Variants in LARGE1 observed in about 807,000 individuals in gnomAD.
LARGE1 encodes the protein xylosyl- and glucuronyltransferase LARGE1.
A neutral mutation model predicts 87.6 loss-of-function variants in LARGE1; 43 were observed. That is an observed-to-expected ratio of 0.49 (90% CI 0.38 to 0.63). The LOEUF is 0.63. LARGE1 is among the 30% of genes least tolerant of loss of function. The pLI is 0.00. For synonymous variants in LARGE1, 434 were observed against 394.6 expected (o/e 1.10, Z -1.18); for missense variants, 802 against 1,000.2 (o/e 0.80, Z 2.67).
intron 1 of LARGE1, among the ~76,000 whole-genome samples, chr22:33,896,126 T>C (rs567050862): frequency 1.3e-5 from 2 of 152,234 alleles, no homozygotes; most frequent in African/African-American, 2.4e-5. Context: ...ACCACCATTT[T>C]ACTTTCTGTC....
intron 10 of LARGE1, among the ~76,000 whole-genome samples, chr22:33,327,475 T>C (rs1937341258): frequency 1.3e-5 from 2 of 152,194 alleles, no homozygotes; most frequent in South Asian, 2.1e-4. Context: ...TTTCCTCAAA[T>C]AGCCTGGTGT....
At chr22:33,244,726 C>T (rs1412125142) in intron 11 of LARGE1, among the ~76,000 whole-genome samples, 1 of 152,108 alleles carries the variant, frequency 6.6e-6, no homozygotes, top group Non-Finnish European at 1.5e-5. Flanking sequence ...CGTAAATCAT[C>T]GTGTCTAAAA....
chr22:33,724,582 C>A (rs955922319), intron 2 of LARGE1, among the ~76,000 whole-genome samples: 1 of 152,220 alleles, frequency 6.6e-6, no homozygotes, highest in Non-Finnish European at 1.5e-5. Flanking sequence ...GACCAAACTC[C>A]ACCCAGCCAT....
intron 11 of LARGE1, among the ~76,000 whole-genome samples, chr22:33,208,243 C>G (rs5749577): frequency 6.6e-6 from 1 of 152,168 alleles, no homozygotes; most frequent in African/African-American, 2.4e-5. Flanking sequence ...GAAATGAGAT[C>G]TATGAAAATC....
At chr22:33,220,126 C>T (rs188058696) in intron 11 of LARGE1, among the ~76,000 whole-genome samples, 139 of 152,218 alleles carry the variant, frequency 9.1e-4, no homozygotes, top group East Asian at 2.1e-3. Flanking sequence ...CTGTGAGAAC[C>T]GCTAACCTAT....
intron 11 of LARGE1, among the ~76,000 whole-genome samples, chr22:33,169,170 G>T (rs1165719664): frequency 6.6e-6 from 1 of 152,170 alleles, no homozygotes; most frequent in Non-Finnish European, 1.5e-5. Flanking sequence ...ATATGATAAA[G>T]ATTTTAAAAA....
intron 1 of LARGE1, among the ~76,000 whole-genome samples, chr22:33,777,174 A>C (rs1276755792): frequency 6.6e-6 from 1 of 152,216 alleles, no homozygotes; most frequent in Non-Finnish European, 1.5e-5. Flanking sequence ...GGCTGGAACC[A>C]CACAGTGTGG....
At chr22:33,575,221 G>A (rs2078319416) in intron 5 of LARGE1, among the ~76,000 whole-genome samples, 1 of 152,120 alleles carries the variant, frequency 6.6e-6, no homozygotes, top group African/African-American at 2.4e-5. Context: ...ATTTACACTG[G>A]ATCAACAACC....
the LARGE1 span, among the ~76,000 whole-genome samples, chr22:33,080,074 C>G: frequency 6.6e-6 from 1 of 152,036 alleles, no homozygotes; most frequent in East Asian, 1.9e-4. Flanking sequence ...CTCAAATGTT[C>G]CTTTGTAGAT....
the LARGE1 span, chr22:33,105,248 C>T: frequency 6.6e-6 from 1 of 152,112 alleles, no homozygotes. Context: ...GACCCACCCG[C>T]CTCAGCCTCC....
At chr22:33,563,126 A>G (rs1569272424) in intron 6 of LARGE1, 1 of 152,330 alleles carries the variant, frequency 6.6e-6, no homozygotes, top group African/African-American at 2.4e-5. Flanking sequence ...ACTCACTTCA[A>G]CAGAGGCAAC....
chr22:33,869,480 C>T (rs769227487), intron 1 of LARGE1, among the ~76,000 whole-genome samples: 5 of 152,194 alleles, frequency 3.3e-5, no homozygotes, highest in South Asian at 2.1e-4. Flanking sequence ...CATCTGGATG[C>T]GCCTCTGGCT....
intron 10 of LARGE1, among the ~76,000 whole-genome samples, chr22:33,336,825 G>T (rs1194057694): frequency 1.3e-5 from 2 of 152,040 alleles, no homozygotes; most frequent in Non-Finnish European, 2.9e-5. Context: ...ACTTTGGGAG[G>T]CCAAGGCAGG....
the LARGE1 span, among the ~76,000 whole-genome samples, chr22:33,107,336 G>A: frequency 6.6e-6 from 1 of 152,334 alleles, no homozygotes; most frequent in African/African-American, 2.4e-5. Context: ...GGCCAAGGCA[G>A]GCAGATTGCT....
chr22:33,777,461 G>A (rs190632462), intron 1 of LARGE1, among the ~76,000 whole-genome samples: 6 of 152,180 alleles, frequency 3.9e-5, no homozygotes, highest in Non-Finnish European at 8.8e-5. Flanking sequence ...TACAACATGA[G>A]ACCTCATCTC....
At chr22:33,449,773 C>A (rs1320608033) in intron 6 of LARGE1, among the ~76,000 whole-genome samples, 4 of 152,226 alleles carry the variant, frequency 2.6e-5, no homozygotes. Context: ...GCCAAGCCAG[C>A]CCACTTTCAA....
At chr22:33,755,118 G>A (rs941818812) in intron 2 of LARGE1, among the ~76,000 whole-genome samples, 2 of 152,162 alleles carry the variant, frequency 1.3e-5, no homozygotes, top group African/African-American at 4.8e-5. Flanking sequence ...TATCGGAACC[G>A]TATTTTTTTC....
chr22:33,219,166 T>C (rs1925344706), intron 11 of LARGE1, among the ~76,000 whole-genome samples: 1 of 152,168 alleles, frequency 6.6e-6, no homozygotes, highest in African/African-American at 2.4e-5. Flanking sequence ...CAGCTGGCAT[T>C]ATCTTAACTA....
chr22:33,597,843 T>C (rs554498558), intron 5 of LARGE1, among the ~76,000 whole-genome samples: 1 of 152,162 alleles, frequency 6.6e-6, no homozygotes, highest in Non-Finnish European at 1.5e-5. Context: ...TAGGGCCTTG[T>C]CTGAAAACTG....
Sources: gnomAD v4.1 joint callset for allele counts (sites outside exome capture counted in the v4.1 genomes callset) on GRCh38, gnomAD v4.1.1 for gene constraint, MANE v1.5 for transcripts, NCBI Gene and HGNC (gene_info 2026-07-23, HGNC 2026-07-21) for gene names.